MTA3: variants seen among roughly 807,000 people sequenced by gnomAD.
MTA3 encodes the protein metastasis-associated protein MTA3.
Under a neutral mutation model 83.5 loss-of-function variants are expected in MTA3, and 34 were observed. The ratio of observed to expected loss-of-function variants is 0.41; its 90% CI spans 0.31 to 0.54. MTA3 has a LOEUF of 0.54. Ranked by LOEUF, MTA3 falls within the 20% of genes least tolerant of loss-of-function variation. The pLI, the probability that MTA3 is intolerant of heterozygous loss-of-function variation, is 0.33. For missense variants in MTA3, 761 were observed against 726.4 expected, an observed-to-expected ratio of 1.05 and a Z score of -0.55; for synonymous variants, 303 against 252.7, an observed-to-expected ratio of 1.20 and a Z score of -1.89.
intron 16 of MTA3, among the ~76,000 whole-genome samples, chr2:42,747,056 C>T (rs949133217): frequency 2.0e-5 from 3 of 151,042 alleles, no homozygotes; most frequent in Non-Finnish European, 2.9e-5. Context: ...GGCTGGAGTG[C>T]GGTGGTGTGA....
chr2:42,548,820 T>TATATAATATATATATATATATA (rs1676889917), intron 2 of MTA3, among the ~76,000 whole-genome samples: 1 of 24,826 alleles, frequency 4.0e-5, no homozygotes, highest in African/African-American at 1.1e-4. Flanking sequence ...AATATATATA[T>TATATAATATATATATATATATA]ATATATATAA....
chr2:42,635,896 G>T (rs559319192), intron 4 of MTA3, among the ~76,000 whole-genome samples: 143 of 152,108 alleles, frequency 9.4e-4, no homozygotes, highest in Middle Eastern at 3.4e-3. Flanking sequence ...CTCCGCAGTA[G>T]CTGGGATTAC....
chr2:42,664,162 A>T (rs1690003112), intron 8 of MTA3, among the ~76,000 whole-genome samples: 1 of 152,132 alleles, frequency 6.6e-6, no homozygotes. Context: ...AGCACTGAAG[A>T]AGATGTGTTT....
At chr2:42,521,256 A>G (rs1675416825) in intron 2 of MTA3, among the ~76,000 whole-genome samples, 1 of 152,266 alleles carries the variant, frequency 6.6e-6, no homozygotes, top group African/African-American at 2.4e-5. Flanking sequence ...AGAGAGGCCT[A>G]CGCAGAAAGG....
At chr2:42,497,869 T>C (rs971599559) in intron 2 of MTA3, among the ~76,000 whole-genome samples, 5 of 152,242 alleles carry the variant, frequency 3.3e-5, no homozygotes, top group African/African-American at 1.2e-4. Context: ...TTCTCATTCC[T>C]GGGTTCTAAA....
intron 6 of MTA3, among the ~76,000 whole-genome samples, chr2:42,647,258 C>G (rs1266054570): frequency 6.6e-6 from 1 of 151,640 alleles, no homozygotes; most frequent in Non-Finnish European, 1.5e-5. Flanking sequence ...GAGTCTCGCT[C>G]TGTTGCCCAG....
At chr2:42,671,592 T>A (rs1690798542) in intron 8 of MTA3, among the ~76,000 whole-genome samples, 1 of 152,216 alleles carries the variant, frequency 6.6e-6, no homozygotes, top group Non-Finnish European at 1.5e-5. Context: ...CCTCTAATTA[T>A]CACCTTGGCT....
In MTA3 at chr2:42,689,105, C is replaced by G. The variant is rs141035530; in HGVS notation, c.891+6516C>G. ...TCAGTTGTGATTATGGAATGTTTAT[C>G]TCTTTGTCTTTTGATATGGTGAATA... On this transcript the variant is annotated intron_variant, in intron 9 of 16. Transcript: ENST00000405094. Among the ~76,000 whole-genome samples, 4 of 152,078 alleles carry G rather than the reference C, an allele frequency of 2.6e-5. No homozygotes were observed. In the East Asian group the frequency reaches 7.7e-4, roughly 29 times the overall value.
chr2:42,499,573 C>G (rs1012754182), intron 2 of MTA3, among the ~76,000 whole-genome samples: 1 of 150,386 alleles, frequency 6.6e-6, no homozygotes, highest in Admixed American at 6.6e-5. Context: ...AGGCAGATCA[C>G]GAGATCAGGA....
chr2:42,704,266 C>T lies in MTA3; in HGVS notation c.1098C>T (p.Thr366=). 1.9e-6 allele frequency: 3 copies of T among 1,613,926 alleles called. No individual in the cohort carries two copies. Among genetic ancestry groups the T allele is most frequent in the Non-Finnish European group, 2.5e-6 (3 of 1,179,870 alleles). ...KPGAVNGAVG[T]TFQPQNPLLG... is the part of the protein sequence containing the mutation. ...GTGCTGTGAATGGAGCTGTGGGGACCACGTTCCAGCCTCAGAATCCTCTCT... is the reference window on the plus strand; with the variant it reads ...GTGCTGTGAATGGAGCTGTGGGGACTACGTTCCAGCCTCAGAATCCTCTCT... The change falls in exon 12 of 17, where the codon ACC becomes ACT. Residue 366 remains threonine, a synonymous_variant. Coordinates refer to ENST00000405094, the MANE Select transcript of MTA3 (RefSeq NM_001330442.2).
At chr2:42,645,522 C>G (rs1325032865) in intron 6 of MTA3, among the ~76,000 whole-genome samples, 3 of 113,302 alleles carry the variant, frequency 2.6e-5, no homozygotes, top group Non-Finnish European at 5.2e-5. Flanking sequence ...GAGACTTTGT[C>G]TAAAAAACAA....
chr2:42,623,035 G>T (rs1382244008), intron 4 of MTA3, among the ~76,000 whole-genome samples: 1 of 152,166 alleles, frequency 6.6e-6, no homozygotes, highest in Admixed American at 6.5e-5. Flanking sequence ...AGTCTCCATG[G>T]TAATGTAATG....
At chr2:42,702,722 A>G (rs1479161464) in intron 11 of MTA3, 1 of 152,230 alleles carries the variant, frequency 6.6e-6, no homozygotes, top group Non-Finnish European at 1.5e-5. Context: ...CTGAACAAAT[A>G]CATGTTAAAT....
Position 42,755,180 on chromosome 2 carries a change from C to CT in MTA3, c.*1782dup, listed in dbSNP as rs1005346394. ...CCCTAAAGAAAAAGACACAGGAAAG[C>CT]TGTCTGTCTGTACCCTGCTCTGGAT... On this transcript the variant is annotated 3_prime_UTR_variant, in exon 17 of 17. Transcript: ENST00000405094. The CT allele has an allele frequency of 1.0e-6, 1 of 985,384 alleles. No homozygotes were observed. Among genetic ancestry groups the CT allele is most frequent in the African/African-American group, 1.7e-5 (1 of 57,248 alleles). The allele number at this position is 985,384 out of a possible 1,614,324, so 61.0% of individuals were successfully genotyped here.
At chr2:42,577,419 C>T (rs1034121622) in intron 2 of MTA3, among the ~76,000 whole-genome samples, 1 of 151,528 alleles carries the variant, frequency 6.6e-6, no homozygotes, top group Non-Finnish European at 1.5e-5. Flanking sequence ...CTTTGTATAG[C>T]ATCCCTATTG....
At chr2:42,557,592 A>C (rs1677458453) in intron 2 of MTA3, among the ~76,000 whole-genome samples, 1 of 152,224 alleles carries the variant, frequency 6.6e-6, no homozygotes. Context: ...CTGGCTTTGT[A>C]AAAGCAGCTC....
At chr2:42,634,527 G>A (rs1157501380) in intron 4 of MTA3, among the ~76,000 whole-genome samples, 2 of 152,140 alleles carry the variant, frequency 1.3e-5, no homozygotes, top group African/African-American at 4.8e-5. Context: ...TCACTATCAT[G>A]AAACTGCCCC....
chr2:42,619,578 A>G (rs1271900535), intron 4 of MTA3, among the ~76,000 whole-genome samples: 1 of 152,234 alleles, frequency 6.6e-6, no homozygotes, highest in African/African-American at 2.4e-5. Context: ...ACAATATTTG[A>G]GTTTCCCCCA....
At chr2:42,654,212 G>T (rs1480349260) in intron 6 of MTA3, among the ~76,000 whole-genome samples, 1 of 152,208 alleles carries the variant, frequency 6.6e-6, no homozygotes, top group African/African-American at 2.4e-5. Context: ...GAATGGGCAG[G>T]TCTTTAACCT....
Sources: gnomAD v4.1 joint callset for allele counts (sites outside exome capture counted in the v4.1 genomes callset) on GRCh38, gnomAD v4.1.1 for gene constraint, MANE v1.5 for transcripts, NCBI Gene and HGNC (gene_info 2026-07-23, HGNC 2026-07-21) for gene names.